SART3: variants seen among roughly 807,000 people sequenced by gnomAD.
SART3 encodes the protein spliceosome associated factor 3, U4/U6 recycling protein, also known as HIV-1 Tat-interacting protein of 110kDa.
SART3 carries 44 observed loss-of-function variants against 122.3 expected under a neutral mutation model. The observed-to-expected ratio is 0.36, with a 90% CI of 0.28 to 0.46. SART3 has a LOEUF of 0.46. Among genes scored for constraint, SART3 ranks in the 20% least tolerant of loss-of-function variants. The pLI, the probability that SART3 is intolerant of heterozygous loss-of-function variation, is 1.00. For synonymous variants in SART3, 442 were observed against 454.0 expected (o/e 0.97, Z 0.34); for missense variants, 1,101 against 1,229.0 (o/e 0.90, Z 1.56).
intron 1 of SART3, among the ~76,000 whole-genome samples, chr12:108,559,061 A>C (rs984900531): frequency 6.7e-6 from 1 of 149,800 alleles, no homozygotes; most frequent in Non-Finnish European, 1.5e-5. Flanking sequence ...AAAAAAAAAA[A>C]GTAGAAATGC....
At position 108,531,154 on chromosome 12, in the gene SART3, G is replaced by C. The variant is rs372553203; in HGVS notation, c.1746+50C>G. ...TGACAAGAAACATCCATACCAAACT[G>C]AGCCAAAATAGCTACCAGAGGTGCC... On this transcript the variant is annotated intron_variant, in intron 14 of 18. Coordinates refer to ENST00000546815, the MANE Select transcript of SART3 (RefSeq NM_014706.4). 9 of 1,463,560 alleles carry C rather than the reference G, an allele frequency of 6.1e-6. No homozygotes were observed. In the African/African-American group the frequency reaches 1.2e-4, roughly 20 times the overall value. The allele number at this position is 1,463,560 out of a possible 1,614,324, so 90.7% of individuals were successfully genotyped here. A position where few individuals can be genotyped will look rare whatever the true frequency, so the allele number is the denominator to read the frequency against.
intron 1 of SART3, among the ~76,000 whole-genome samples, chr12:108,552,746 G>C (rs1026064846): frequency 3.3e-5 from 5 of 152,126 alleles, no homozygotes; most frequent in Admixed American, 3.3e-4. Context: ...ACTCAACATA[G>C]TCAAGAAGTA....
At chr12:108,555,429 C>G (rs2030176395) in intron 1 of SART3, among the ~76,000 whole-genome samples, 1 of 152,134 alleles carries the variant, frequency 6.6e-6, no homozygotes, top group African/African-American at 2.4e-5. Flanking sequence ...CTGTGGGAGG[C>G]CGAGGCAGGC....
chr12:108,541,998 CTTTT>C (rs55746158), intron 6 of SART3, among the ~76,000 whole-genome samples: 1 of 68,102 alleles, frequency 1.5e-5, no homozygotes, highest in Non-Finnish European at 2.8e-5. Flanking sequence ...CCAAGCCCGG[CTTTT>C]TTTTTTTTTT....
rs1029802678 is a variant in SART3 at position 108,532,388 on chromosome 12, C to T, written c.1557-54G>A. 21 of 1,488,170 alleles carry T rather than the reference C, an allele frequency of 1.4e-5. No individual in the cohort carries two copies. In the East Asian group the frequency reaches 3.9e-4, roughly 27 times the overall value. The allele number at this position is 1,488,170 out of a possible 1,614,324, so 92.2% of individuals were successfully genotyped here. ...ACCAGGACACAAAGTGGAAGGCACTCGAAGGGAGAGGCCGTCTTCTCCCAG... is the reference window on the plus strand; with the variant it reads ...ACCAGGACACAAAGTGGAAGGCACTTGAAGGGAGAGGCCGTCTTCTCCCAG... On this transcript the variant is annotated intron_variant, in intron 12 of 18. Transcript: ENST00000546815.
chr12:108,524,801 C>T (rs1872294933), intron 17 of SART3: 4 of 486,628 alleles, frequency 8.2e-6, no homozygotes, highest in Non-Finnish European at 1.1e-5. Context: ...GACAGATGGA[C>T]CAGTATAAAT....
chr12:108,555,420 T>C (rs2030175891), intron 1 of SART3, among the ~76,000 whole-genome samples: 1 of 152,164 alleles, frequency 6.6e-6, no homozygotes, highest in Non-Finnish European at 1.5e-5. Context: ...ATCCCAGCAC[T>C]GTGGGAGGCC....
At chr12:108,559,205 A>C (rs532426977) in intron 1 of SART3, among the ~76,000 whole-genome samples, 1 of 152,314 alleles carries the variant, frequency 6.6e-6, no homozygotes, top group Admixed American at 6.5e-5. Context: ...GGAAACTGAC[A>C]CTCAGTAAGG....
At chr12:108,528,769 C>T (rs1039125610) in intron 15 of SART3, among the ~76,000 whole-genome samples, 3 of 152,062 alleles carry the variant, frequency 2.0e-5, no homozygotes, top group African/African-American at 4.8e-5. Flanking sequence ...CTACAGGGGC[C>T]GGGTGGAGTA....
At chr12:108,547,222 G>A (rs866988590) in intron 3 of SART3, among the ~76,000 whole-genome samples, 10 of 152,242 alleles carry the variant, frequency 6.6e-5, no homozygotes, top group South Asian at 4.1e-4. Context: ...TACAAGGGAC[G>A]GTAAAGAGAC....
chr12:108,554,128 G>GCGCCCCCGCCCC (rs199954710), intron 1 of SART3: 11 of 39,150 alleles, frequency 2.8e-4, no homozygotes, highest in South Asian at 1.2e-3. Context: ...TCCTCAGAGG[G>GCGCCCCCGCCCC]CGCCCCCGGC....
At chr12:108,557,474 T>C (rs765841665) in intron 1 of SART3, among the ~76,000 whole-genome samples, 7 of 152,086 alleles carry the variant, frequency 4.6e-5, no homozygotes, top group Non-Finnish European at 1.0e-4. Context: ...GGAGAAATAA[T>C]AGAGAGGACT....
rs1351146554 is a variant in SART3, at chr12:108,530,170, A to G, written c.1887T>C (p.Asp629=). 1 of 1,612,528 alleles carries G rather than the reference A, an allele frequency of 6.2e-7. No individual in the cohort carries two copies. The highest frequency in any genetic ancestry group is 1.1e-5 in the South Asian group (1 of 91,014). Residue 629 remains aspartate, a synonymous_variant, in exon 15 of 19, where the codon GAT becomes GAC. Coordinates refer to ENST00000546815, the MANE Select transcript of SART3 (RefSeq NM_014706.4). ...GPEKRGADED[D]EKEWGDDEEE... is the part of the protein sequence containing the mutation. ...CTTCATCATCGCCCCACTCTTTCTC[A>G]TCATCCTCATCTGCTCCGCGCTTCT... is the stretch of plus-strand genomic sequence containing the variant.
intron 17 of SART3, 22 bp from the exon 18 acceptor site, chr12:108,524,528 A>AC: frequency 6.2e-7 from 1 of 1,612,818 alleles, no homozygotes. Flanking sequence ...AAGATCCAGA[A>AC]CCAAGTCAGA....
At chr12:108,532,656 G>C in intron 12 of SART3, 1 of 355,922 alleles carries the variant, frequency 2.8e-6, no homozygotes, top group Non-Finnish European at 5.5e-6. Flanking sequence ...ACAGCTCTCT[G>C]TAACCTGATA....
rs924915629 is a variant in SART3, at chr12:108,522,623, G to C, written c.*834C>G. 2.4e-4 allele frequency: 37 copies of C among 152,202 alleles called. No individual in the cohort carries two copies. The highest frequency in any genetic ancestry group is 8.7e-4 in the African/African-American group (36 of 41,438). 9.4% of individuals were successfully genotyped at this position (152,202 alleles called of 1,614,324 possible). On this transcript the variant is annotated 3_prime_UTR_variant, in exon 19 of 19. Coordinates refer to ENST00000546815, the MANE Select transcript of SART3 (RefSeq NM_014706.4). ...TTACACATCTATTAGGTAAAGCAAG[G>C]TACACCCACTTCAAAACACATCTGT...
At chr12:108,550,465 A>C (rs2029959488) in intron 1 of SART3, among the ~76,000 whole-genome samples, 1 of 152,228 alleles carries the variant, frequency 6.6e-6, no homozygotes, top group African/African-American at 2.4e-5. Flanking sequence ...ACTTCATTCA[A>C]GTGGTAAAAC....
intron 4 of SART3, 82 bp downstream of exon 4, chr12:108,545,056 TG>T: frequency 7.5e-7 from 1 of 1,326,556 alleles, no homozygotes; most frequent in Non-Finnish European, 1.1e-6. Context: ...AGATTCATCA[TG>T]GACATGTGTT....
At chr12:108,529,591 A>G (rs1429834250) in intron 15 of SART3, among the ~76,000 whole-genome samples, 1 of 152,226 alleles carries the variant, frequency 6.6e-6, no homozygotes, top group Admixed American at 6.5e-5. Context: ...ATCAGCATAA[A>G]TAATTCTCAA....
Sources: gnomAD v4.1 joint callset for allele counts (sites outside exome capture counted in the v4.1 genomes callset) on GRCh38, gnomAD v4.1.1 for gene constraint, MANE v1.5 for transcripts, NCBI Gene and HGNC (gene_info 2026-07-23, HGNC 2026-07-21) for gene names.